The following DEAF1 variants were observed in gnomAD, a reference collection of about 807,000 sequenced individuals.
DEAF1 encodes DEAF1 transcription factor.
Under a neutral mutation model 58.9 loss-of-function variants are expected in DEAF1, and 53 were observed. The observed-to-expected ratio is 0.90, with a 90% CI of 0.72 to 1.13. The LOEUF (loss-of-function observed/expected upper bound fraction) is 1.13, where lower values mean the gene tolerates loss of function less well. DEAF1 is among the 50% of genes most tolerant of loss of function. DEAF1 has a pLI of 0.00. For missense variants in DEAF1, 685 were observed against 791.4 expected (o/e 0.87, Z 1.61); for synonymous variants, 385 against 340.4 (o/e 1.13, Z -1.44).
intron 1 of DEAF1, chr11:703,695 G>T (rs1488730508): frequency 2.4e-6 from 3 of 1,232,262 alleles, no homozygotes; most frequent in Middle Eastern, 3.1e-4. Context: ...CAGGCAGGCA[G>T]GCCCGGTGCA....
upstream of DEAF1, among the ~76,000 whole-genome samples, chr11:696,551 G>T (rs2133447539): frequency 6.6e-6 from 1 of 152,290 alleles, no homozygotes; most frequent in South Asian, 2.1e-4. Flanking sequence ...AGCCGAGGCT[G>T]CAGGATCATT....
intron 1 of DEAF1, among the ~76,000 whole-genome samples, chr11:701,338 G>A (rs1189512373): frequency 1.3e-5 from 2 of 149,984 alleles, no homozygotes; most frequent in Non-Finnish European, 3.0e-5. Flanking sequence ...ACAGGCACCT[G>A]CCACCACGCC....
In DEAF1 at chr11:695,141, G is replaced by T; in HGVS notation, c.-94C>A. 8.3e-7 allele frequency: 1 copy of T among 1,202,464 alleles called. No individual in the cohort carries two copies. Among genetic ancestry groups the T allele is most frequent in the Non-Finnish European group, 1.1e-6 (1 of 925,354 alleles). The allele number at this position is 1,202,464 out of a possible 1,614,324, so 74.5% of individuals were successfully genotyped here. ...AGCGGGGCCCGAAGAGGACGCCCGA[G>T]CTGGGCCGAGGCCGCCCGAAGCCGC... On this transcript the variant is annotated 5_prime_UTR_variant, in exon 1 of 12. Transcript: ENST00000382409.
chr11:700,958 C>T, intron 1 of DEAF1: 1 of 538,890 alleles, frequency 1.9e-6, no homozygotes, highest in Non-Finnish European at 3.3e-6. Context: ...CTTGTAGAAG[C>T]CACTGGGTAA....
At chr11:686,789 G>A in intron 5 of DEAF1, 69 bp downstream of exon 5, 1 of 1,606,758 alleles carries the variant, frequency 6.2e-7, no homozygotes, top group Non-Finnish European at 8.5e-7. Flanking sequence ...CCCTCCCTCT[G>A]GCTGGGCCGC....
At position 652,416 on chromosome 11, in the gene DEAF1, T is replaced by C. The variant is rs572567512; in HGVS notation, c.1593+1546A>G. Among the ~76,000 whole-genome samples the C allele has an allele frequency of 3.3e-5, 5 of 152,254 alleles. No homozygotes were observed. The South Asian group carries it at 1.0e-3, about 32-fold the overall frequency. ...AATTTGGGAGGCCGAGGCAGGCAGA[T>C]CACTTGAGGCCAGAAGTTTGAGACC... On this transcript the variant is annotated intron_variant, in intron 11 of 11. Coordinates refer to ENST00000382409, the MANE Select transcript of DEAF1 (RefSeq NM_021008.4).
intron 10 of DEAF1, among the ~76,000 whole-genome samples, chr11:655,828 TTTATTATTATTA>T (rs150500228): frequency 6.6e-6 from 1 of 151,494 alleles, no homozygotes; most frequent in Non-Finnish European, 1.5e-5. Flanking sequence ...ACTTTATTTA[TTTATTATTATTA>T]TTATTTTTTT....
At chr11:660,474 C>T (rs976124488) in intron 10 of DEAF1, among the ~76,000 whole-genome samples, 32 of 152,254 alleles carry the variant, frequency 2.1e-4, no homozygotes, top group Non-Finnish European at 3.1e-4. Context: ...CGCCTCACCC[C>T]GTCCCGGGCA....
At chr11:695,245 G>A (rs1861071915), upstream of DEAF1, 1 of 497,208 alleles carries the variant, frequency 2.0e-6, no homozygotes, top group Non-Finnish European at 3.3e-6. Flanking sequence ...GAGCCGAGGC[G>A]AACAGAGGCT....
chr11:659,890 G>A (rs1255021015), intron 10 of DEAF1, among the ~76,000 whole-genome samples: 3 of 152,194 alleles, frequency 2.0e-5, no homozygotes, highest in Non-Finnish European at 4.4e-5. Flanking sequence ...GCCGTGAACC[G>A]GAAGCTGGGG....
exon 1 of DEAF1, chr11:706,859 CAG>C (rs1861735172): frequency 6.5e-6 from 1 of 152,880 alleles, no homozygotes; most frequent in African/African-American, 2.4e-5. Flanking sequence ...GAGGCTGGGA[CAG>C]GGGCTGCAGA....
intron 5 of DEAF1, among the ~76,000 whole-genome samples, chr11:686,020 C>A (rs750011336): frequency 2.0e-4 from 31 of 151,444 alleles, no homozygotes; most frequent in Non-Finnish European, 3.1e-4. Flanking sequence ...TTGTGGCTCA[C>A]ACCTGTAATC....
At chr11:659,874 C>A (rs2133313305) in intron 10 of DEAF1, among the ~76,000 whole-genome samples, 1 of 152,276 alleles carries the variant, frequency 6.6e-6, no homozygotes, top group South Asian at 2.1e-4. Context: ...CCTGCTGGAC[C>A]CTGAAGCCGT....
chr11:695,345 C>G, upstream of DEAF1: 3 of 441,756 alleles, frequency 6.8e-6, no homozygotes, highest in Non-Finnish European at 1.2e-5. Context: ...AGTGGGAAGC[C>G]GAATCAGTCC....
At chr11:646,207 T>G (rs1054484627) in intron 11 of DEAF1, 2 of 141,196 alleles carry the variant, frequency 1.4e-5, no homozygotes, top group African/African-American at 5.4e-5. Flanking sequence ...AAGCCAAGAT[T>G]GTGCCACGGC....
chr11:672,742 G>A (rs561091554), intron 10 of DEAF1, among the ~76,000 whole-genome samples: 5 of 152,126 alleles, frequency 3.3e-5, no homozygotes, highest in East Asian at 1.9e-4. Flanking sequence ...CAGCTATTCC[G>A]GAGGCTGAGG....
chr11:703,850 AG>A (rs1861609214), intron 1 of DEAF1: 1 of 1,236,138 alleles, frequency 8.1e-7, no homozygotes, highest in Non-Finnish European at 1.0e-6. Flanking sequence ...ACTGCAGGAG[AG>A]AGAGCAGCGG....
Position 667,355 on chromosome 11 carries a change from T to TGGAG in DEAF1, c.1503+7177_1503+7180dup, listed in dbSNP as rs368696647. On this transcript the variant is annotated intron_variant, in intron 10 of 11. Transcript: ENST00000382409. Reference sequence around the variant, plus strand: ...AAAAAAGAAGGAAGGAAGGGAGGGATGGAGGGAGGGAGGGAGGAAGGAAGG... The same window carrying TGGAG: ...AAAAAAGAAGGAAGGAAGGGAGGGATGGAGGGAGGGAGGGAGGGAGGAAGGAAGG... Among the ~76,000 whole-genome samples, 786 of 95,056 alleles carry TGGAG rather than the reference T, an allele frequency of 8.3e-3. 10 individuals carry two copies. The highest frequency in any genetic ancestry group is 0.028 in the African/African-American group (739 of 26,568). The allele number at this position is 95,056 out of a possible 152,430, so 62.4% of individuals were successfully genotyped here.
chr11:702,098 G>A (rs774749172), intron 1 of DEAF1, among the ~76,000 whole-genome samples: 15 of 152,150 alleles, frequency 9.9e-5, no homozygotes, highest in Non-Finnish European at 1.8e-4. Context: ...CCTGATGCCT[G>A]ATGTCCAGTG....
Sources: gnomAD v4.1 joint callset for allele counts (sites outside exome capture counted in the v4.1 genomes callset) on GRCh38, gnomAD v4.1.1 for gene constraint, MANE v1.5 for transcripts, NCBI Gene and HGNC (gene_info 2026-07-23, HGNC 2026-07-21) for gene names.